LATS1: variants seen among roughly 807,000 people sequenced by gnomAD.
LATS1 encodes serine/threonine-protein kinase LATS1.
LATS1 carries 25 observed loss-of-function variants against 106.6 expected under a neutral mutation model. The ratio of observed to expected loss-of-function variants is 0.23; its 90% CI spans 0.17 to 0.33. LATS1 has a LOEUF of 0.33. Ranked by LOEUF, LATS1 falls within the 10% of genes least tolerant of loss-of-function variation. LATS1 has a pLI of 1.00. For missense variants in LATS1, 1,040 were observed against 1,382.6 expected (o/e 0.75, Z 3.93); for synonymous variants, 465 against 455.6 (o/e 1.02, Z -0.26).
intron 3 of LATS1, among the ~76,000 whole-genome samples, chr6:149,690,926 T>C (rs536228984): frequency 5.3e-5 from 8 of 152,312 alleles, no homozygotes; most frequent in African/African-American, 1.2e-4. Flanking sequence ...AAAATCACCA[T>C]AGATGGTTTG....
chr6:149,660,369 T>G lies in LATS1; in HGVS notation c.*1360A>C, dbSNP rs1469964866. 4.3e-6 allele frequency: 1 copy of G among 233,164 alleles called. No homozygotes were observed. Among genetic ancestry groups the G allele is most frequent in the Admixed American group, 5.6e-5 (1 of 17,798 alleles). The allele number at this position is 233,164 out of a possible 1,614,324, so 14.4% of individuals were successfully genotyped here. ...CAGCTCTGCCTTTAATTTTACTACA[T>G]ATACGGTTTCAATTAGCTTTTATGC... On this transcript the variant is annotated 3_prime_UTR_variant, in exon 8 of 8. Transcript: ENST00000543571.
At chr6:149,672,202 ATTTCT>A (rs567672333) in intron 7 of LATS1, among the ~76,000 whole-genome samples, 486 of 139,870 alleles carry the variant, frequency 3.5e-3, no homozygotes, top group Non-Finnish European at 5.5e-3. Context: ...AAGATCTATG[ATTTCT>A]TTTCTTTTCT....
At chr6:149,678,162 T>G (rs1368044883) in intron 5 of LATS1, among the ~76,000 whole-genome samples, 3 of 28,620 alleles carry the variant, frequency 1.0e-4, no homozygotes, top group Non-Finnish European at 1.5e-4. Flanking sequence ...CTACTAAAAA[T>G]CCAAAAAAAA....
intron 1 of LATS1, among the ~76,000 whole-genome samples, chr6:149,713,485 G>C (rs931468176): frequency 6.6e-6 from 1 of 151,096 alleles, no homozygotes; most frequent in African/African-American, 2.4e-5. Flanking sequence ...TAGTAGAGAC[G>C]GGGTTTCTCC....
chr6:149,702,838 A>AT (rs1783540221), intron 1 of LATS1, among the ~76,000 whole-genome samples: 1 of 151,006 alleles, frequency 6.6e-6, no homozygotes, highest in Non-Finnish European at 1.5e-5. Flanking sequence ...CGCCCAGCTA[A>AT]CTTTTTTTGT....
At position 149,717,983 on chromosome 6, in the gene LATS1, G is replaced by A. The variant is rs1175322139; in HGVS notation, c.-275C>T. 5.5e-6 allele frequency: 2 copies of A among 364,702 alleles called. No homozygotes were observed. Among genetic ancestry groups the A allele is most frequent in the Non-Finnish European group, 1.1e-5 (2 of 189,650 alleles). 22.6% of individuals were successfully genotyped at this position (364,702 alleles called of 1,614,324 possible). A position where few individuals can be genotyped will look rare whatever the true frequency, so the allele number is the denominator to read the frequency against. On this transcript the variant is annotated 5_prime_UTR_variant, in exon 1 of 8. Transcript: ENST00000543571. ...GGGAGACGAACGGGGGGGCTGCCGC[G>A]GGCCAGCGCGGCCCGTCCCAGGGGT...
intron 4 of LATS1, 46 bp downstream of exon 4, chr6:149,683,033 C>A: frequency 6.9e-7 from 1 of 1,455,482 alleles, no homozygotes; most frequent in Non-Finnish European, 9.4e-7. Flanking sequence ...AAACACCAAG[C>A]AAACAGATGA....
chr6:149,680,155 T>C lies in LATS1; in HGVS notation c.2313A>G (p.Ser771=). Residue 771 remains serine, a synonymous_variant, in exon 5 of 8, where the codon TCA becomes TCG. Coordinates refer to ENST00000543571, the MANE Select transcript of LATS1 (RefSeq NM_004690.4). ...AGTATAAATTGTCCTTATCTTGGAATGAATAATATAGACGAACTACCCATT... is the reference window on the plus strand; with the variant it reads ...AGTATAAATTGTCCTTATCTTGGAACGAATAATATAGACGAACTACCCATT... ...DNEWVVRLYY[S]FQDKDNLYFV... 3.7e-6 allele frequency: 6 copies of C among 1,614,118 alleles called. No individual in the cohort carries two copies. The highest frequency in any genetic ancestry group is 5.1e-6 in the Non-Finnish European group (6 of 1,179,978).
intron 2 of LATS1, 133 bp from the exon 3 acceptor site, chr6:149,695,354 T>C (rs1021189704): frequency 3.2e-5 from 19 of 589,282 alleles, no homozygotes; most frequent in Admixed American, 2.8e-4. Flanking sequence ...ATGATATTAA[T>C]GTTCTGTTTG....
intron 1 of LATS1, among the ~76,000 whole-genome samples, chr6:149,713,086 T>C (rs1485589330): frequency 6.6e-6 from 1 of 152,092 alleles, no homozygotes; most frequent in African/African-American, 2.4e-5. Flanking sequence ...CTGAGAAAGA[T>C]GTGTACCTTC....
At chr6:149,696,438 C>T (rs1208060586) in intron 2 of LATS1, among the ~76,000 whole-genome samples, 1 of 149,554 alleles carries the variant, frequency 6.7e-6, no homozygotes, top group East Asian at 2.0e-4. Context: ...TGTAGTGGTA[C>T]GTGTCTATAA....
At chr6:149,710,272 T>G (rs1172437663) in intron 1 of LATS1, among the ~76,000 whole-genome samples, 1 of 152,186 alleles carries the variant, frequency 6.6e-6, no homozygotes, top group East Asian at 1.9e-4. Context: ...CATATTTGGC[T>G]TAGAATAGAT....
At chr6:149,712,654 A>G (rs1221009413) in intron 1 of LATS1, among the ~76,000 whole-genome samples, 15 of 152,104 alleles carry the variant, frequency 9.9e-5, no homozygotes, top group Admixed American at 9.8e-4. Flanking sequence ...CCCGGCCAGT[A>G]TCATGTTTGT....
intron 2 of LATS1, among the ~76,000 whole-genome samples, chr6:149,698,738 A>G (rs1254682645): frequency 6.6e-6 from 1 of 150,454 alleles, no homozygotes; most frequent in South Asian, 2.1e-4. Context: ...TTTTTCATAT[A>G]TTTTGTAGAG....
intron 2 of LATS1, among the ~76,000 whole-genome samples, chr6:149,700,428 G>C (rs1430596870): frequency 6.6e-6 from 1 of 152,092 alleles, no homozygotes; most frequent in Non-Finnish European, 1.5e-5. Context: ...AGCTGAGATC[G>C]CACCACTGCA....
chr6:149,670,776 T>C (rs1003333283), intron 7 of LATS1, among the ~76,000 whole-genome samples: 4 of 152,048 alleles, frequency 2.6e-5, no homozygotes. Flanking sequence ...CTTGGGTTAT[T>C]TGTTTCCTTA....
chr6:149,677,490 A>C (rs549816525), intron 5 of LATS1, among the ~76,000 whole-genome samples: 1 of 152,212 alleles, frequency 6.6e-6, no homozygotes, highest in Non-Finnish European at 1.5e-5. Flanking sequence ...AAGTAAAGTG[A>C]GAAGATATTG....
intron 2 of LATS1, among the ~76,000 whole-genome samples, chr6:149,696,151 C>A (rs1024662838): frequency 6.6e-6 from 1 of 150,684 alleles, no homozygotes; most frequent in African/African-American, 2.4e-5. Flanking sequence ...AGGTGATCCA[C>A]CCACCTCGGC....
chr6:149,671,322 C>T (rs779522747), intron 7 of LATS1, among the ~76,000 whole-genome samples: 9 of 151,802 alleles, frequency 5.9e-5, no homozygotes, highest in East Asian at 3.9e-4. Flanking sequence ...TTAGCAGAGA[C>T]GGGGTTTCGC....
Sources: gnomAD v4.1 joint callset for allele counts (sites outside exome capture counted in the v4.1 genomes callset) on GRCh38, gnomAD v4.1.1 for gene constraint, MANE v1.5 for transcripts, NCBI Gene and HGNC (gene_info 2026-07-23, HGNC 2026-07-21) for gene names.